Variants in USP16 observed in about 807,000 individuals in gnomAD.
USP16 encodes the protein ubiquitin carboxyl-terminal hydrolase 16.
In USP16, 77 loss-of-function variants were observed where a neutral mutation model predicts 95.9. The observed-to-expected ratio is 0.80, with a 90% CI of 0.67 to 0.97. USP16 has a LOEUF of 0.97. Among genes scored for constraint, USP16 ranks in the 50% least tolerant of loss-of-function variants. USP16 has a pLI of 0.00. For missense variants in USP16, 943 were observed against 959.9 expected, an observed-to-expected ratio of 0.98 and a Z score of 0.23; for synonymous variants, 303 against 318.2, an observed-to-expected ratio of 0.95 and a Z score of 0.51.
intron 12 of USP16, 106 bp downstream of exon 12, chr21:29,042,634 C>A: frequency 1.0e-6 from 1 of 977,454 alleles, no homozygotes; most frequent in South Asian, 1.6e-5. Flanking sequence ...CTAGCCCATG[C>A]AGAAATTTTT....
At chr21:29,042,439 A>G in intron 11 of USP16, 33 bp from the exon 12 acceptor site, 1 of 1,590,708 alleles carries the variant, frequency 6.3e-7, no homozygotes, top group South Asian at 1.1e-5. Context: ...TACAGTATTT[A>G]CATTTTTACA....
At chr21:29,029,019 C>G (rs1472832025) in intron 2 of USP16, among the ~76,000 whole-genome samples, 3 of 152,226 alleles carry the variant, frequency 2.0e-5, no homozygotes, top group African/African-American at 7.2e-5. Context: ...TACTAATTTC[C>G]AGGCCCCCTA....
intron 1 of USP16, among the ~76,000 whole-genome samples, chr21:29,025,292 A>G (rs2084970527): frequency 6.6e-6 from 1 of 152,220 alleles, no homozygotes; most frequent in Non-Finnish European, 1.5e-5. Flanking sequence ...GCAGGGGAAG[A>G]CTGGGAGGGC....
chr21:29,040,542 A>G (rs1402711154), intron 9 of USP16, 67 bp from the exon 10 acceptor site: 1 of 594,106 alleles, frequency 1.7e-6, no homozygotes, highest in Non-Finnish European at 2.5e-6. Flanking sequence ...TGACTTGATT[A>G]CATATTTCTA....
intron 3 of USP16, among the ~76,000 whole-genome samples, chr21:29,033,456 G>A (rs751286101): frequency 5.9e-5 from 9 of 152,192 alleles, no homozygotes; most frequent in East Asian, 1.9e-4. Context: ...ATGGAAACAC[G>A]ACCGGTTGTT....
At chr21:29,042,345 A>C (rs1474111513) in intron 11 of USP16, 127 bp from the exon 12 acceptor site, 3 of 1,017,486 alleles carry the variant, frequency 2.9e-6, no homozygotes, top group African/African-American at 1.6e-5. Flanking sequence ...TTTCATTTCA[A>C]ATTTTCTTAA....
chr21:29,037,319 A>T lies in USP16; in HGVS notation c.492A>T (p.Leu164Phe). 6.4e-7 allele frequency: 1 copy of T among 1,567,188 alleles called. No individual in the cohort carries two copies. Among genetic ancestry groups the T allele is most frequent in the Non-Finnish European group, 8.7e-7 (1 of 1,155,812 alleles). Residue 164 changes from leucine (L) to phenylalanine (F), a missense_variant, in exon 6 of 18, where the codon TTA (leucine) becomes TTT (phenylalanine). Coordinates refer to ENST00000399976, the MANE Select transcript of USP16 (RefSeq NM_006447.3). The stretch of plus-strand genomic sequence containing the variant: ...ATATTGAACTTGAAAATAAAAAATT[A>T]GAAAAAGAGAGTAAGAATGAACAAG... ...NGNIELENKK[L>F]EKESKNEQER...
chr21:29,043,063 A>G (rs1036615108), intron 12 of USP16: 2 of 159,232 alleles, frequency 1.3e-5, no homozygotes, highest in African/African-American at 4.8e-5. Context: ...GCAAAGAAAG[A>G]AAAGAATAAA....
At chr21:29,033,369 A>G (rs1280213953) in intron 3 of USP16, among the ~76,000 whole-genome samples, 2 of 152,234 alleles carry the variant, frequency 1.3e-5, no homozygotes, top group Admixed American at 6.5e-5. Context: ...AATTAAGCGA[A>G]TAGTGTTTGG....
At chr21:29,047,683 C>G (rs1192217714) in intron 14 of USP16, among the ~76,000 whole-genome samples, 3 of 152,012 alleles carry the variant, frequency 2.0e-5, no homozygotes, top group African/African-American at 7.3e-5. Flanking sequence ...ATGACATGCC[C>G]AGTGCAAAGC....
At chr21:29,036,877 A>T (rs2085165248) in intron 5 of USP16, among the ~76,000 whole-genome samples, 1 of 152,098 alleles carries the variant, frequency 6.6e-6, no homozygotes, top group South Asian at 2.1e-4. Context: ...TTTGTTTTTT[A>T]CTTTAGGATT....
intron 3 of USP16, 93 bp downstream of exon 3, chr21:29,030,866 G>A (rs2085067500): frequency 8.0e-6 from 11 of 1,377,154 alleles, no homozygotes; most frequent in Non-Finnish European, 9.8e-6. Context: ...ATGGATAAAA[G>A]GATACTAGTA....
intron 16 of USP16, among the ~76,000 whole-genome samples, chr21:29,050,958 G>C (rs1362737620): frequency 6.6e-6 from 1 of 152,206 alleles, no homozygotes; most frequent in East Asian, 1.9e-4. Context: ...GGAGGCTGTT[G>C]TATTAATTCA....
At chr21:29,028,307 A>G (rs1165606844) in intron 2 of USP16, among the ~76,000 whole-genome samples, 1 of 147,004 alleles carries the variant, frequency 6.8e-6, no homozygotes, top group Non-Finnish European at 1.5e-5. Context: ...TTTTTTTTTT[A>G]ATAGTGACGG....
chr21:29,034,087 GT>G (rs1242142494), intron 3 of USP16, among the ~76,000 whole-genome samples: 1 of 152,150 alleles, frequency 6.6e-6, no homozygotes, highest in African/African-American at 2.4e-5. Context: ...TTTATTAGGA[GT>G]TTAAGAGTGC....
chr21:29,047,389 G>C lies in USP16; in HGVS notation c.2011+68G>C. On this transcript the variant is annotated intron_variant, in intron 14 of 17. Transcript: ENST00000399976. ...GCACATTTTGCACTGCATAGGTAGA[G>C]TACTCCTAATTGTATCAGGATTTGG... 4.8e-6 allele frequency: 7 copies of C among 1,468,398 alleles called. No homozygotes were observed. In the South Asian group the frequency reaches 6.9e-5, roughly 14 times the overall value. 91.0% of individuals were successfully genotyped at this position (1,468,398 alleles called of 1,614,324 possible). A position where few individuals can be genotyped will look rare whatever the true frequency, so the allele number is the denominator to read the frequency against.
At chr21:29,037,672 A>T (rs560709297) in intron 6 of USP16, among the ~76,000 whole-genome samples, 1 of 136,764 alleles carries the variant, frequency 7.3e-6, no homozygotes, top group African/African-American at 2.8e-5. Context: ...TGCAGCCTCT[A>T]CCTCTTGGGC....
rs377329858 is a variant in USP16 at position 29,039,470 on chromosome 21, T to A, written c.864-11T>A. The A allele has an allele frequency of 2.4e-5, 39 of 1,610,640 alleles. No individual in the cohort carries two copies. The highest frequency in any genetic ancestry group is 3.2e-5 in the Non-Finnish European group (38 of 1,177,998). On this transcript the variant is annotated splice_polypyrimidine_tract_variant and intron_variant, in intron 8 of 17. Coordinates refer to ENST00000399976, the MANE Select transcript of USP16 (RefSeq NM_006447.3). ...TGAAGATTGCTTTTCTGTCTTTTTG[T>A]TTTTCTCTAGAGCAGTGCGGTTTAA... is the stretch of plus-strand genomic sequence containing the variant.
At chr21:29,036,620 C>G (rs528285380) in intron 5 of USP16, among the ~76,000 whole-genome samples, 1 of 152,296 alleles carries the variant, frequency 6.6e-6, no homozygotes, top group African/African-American at 2.4e-5. Flanking sequence ...AAGGTAATTC[C>G]CATAACCCTA....
Sources: allele counts gnomAD v4.1 joint callset (sites outside exome capture counted in the v4.1 genomes callset), GRCh38; gene constraint gnomAD v4.1.1; transcripts MANE v1.5; gene names NCBI Gene and HGNC (gene_info 2026-07-23, HGNC 2026-07-21).